ALDH9A1: variants seen among roughly 807,000 people sequenced by gnomAD.
ALDH9A1 encodes the protein 4-trimethylaminobutyraldehyde dehydrogenase.
ALDH9A1 carries 42 observed loss-of-function variants against 56.6 expected under a neutral mutation model. The ratio of observed to expected loss-of-function variants is 0.74; its 90% CI spans 0.58 to 0.96. The LOEUF (loss-of-function observed/expected upper bound fraction) is 0.96. Ranked by LOEUF, ALDH9A1 falls within the 40% of genes least tolerant of loss-of-function variation. The pLI is 0.00. For synonymous variants in ALDH9A1, 242 were observed against 236.0 expected, an observed-to-expected ratio of 1.03 and a Z score of -0.23; for missense variants, 661 against 651.5, an observed-to-expected ratio of 1.01 and a Z score of -0.16.
In ALDH9A1 at chr1:165,694,007, T is replaced by A. The variant is rs566009078; in HGVS notation, c.327+1245A>T. Among the ~76,000 whole-genome samples, 4 of 148,352 alleles carry A rather than the reference T, an allele frequency of 2.7e-5. No individual in the cohort carries two copies. The South Asian group carries it at 6.3e-4, about 24-fold the overall frequency. ...GCATGTTCTCATTCATAGGTGGGAA[T>A]TGAACAATGAGATCACTTGGACACA... On this transcript the variant is annotated intron_variant, in intron 2 of 10. Transcript: ENST00000354775.
At position 165,679,462 on chromosome 1, in the gene ALDH9A1, T is replaced by C. The variant is rs779585694; in HGVS notation, c.910A>G (p.Asn304Asp). 2 of 1,614,148 alleles carry C rather than the reference T, an allele frequency of 1.2e-6. No individual in the cohort carries two copies. Among genetic ancestry groups the C allele is most frequent in the East Asian group, 4.5e-5 (2 of 44,876 alleles). ...CATACCTGGCCTTGTGTGAGGAAGT[T>C]GGCCATCAGCGCCCCCTTTACAGCA... ...NNAVKGALMA[N>D]FLTQGQVCCN... The change falls in exon 6 of 11, where the codon AAC becomes GAC. Residue 304 changes from asparagine (N) to aspartate (D), a missense_variant. Asn to Asp is a conservative substitution (Grantham distance 23, BLOSUM62 1). Transcript: ENST00000354775.
At chr1:165,677,463 G>C (rs1383994916) in intron 6 of ALDH9A1, among the ~76,000 whole-genome samples, 1 of 152,186 alleles carries the variant, frequency 6.6e-6, no homozygotes, top group Non-Finnish European at 1.5e-5. Flanking sequence ...GGAACACTTT[G>C]CTATGCCAGA....
At position 165,669,424 on chromosome 1, in the gene ALDH9A1, A is replaced by G. The variant is rs767497860; in HGVS notation, c.957T>C (p.Phe319=). 1.9e-6 allele frequency: 3 copies of G among 1,613,648 alleles called. No homozygotes were observed. The highest frequency in any genetic ancestry group is 1.7e-5 in the Admixed American group (1 of 59,928). The change falls in exon 7 of 11, where the codon TTT becomes TTC. Residue 319 remains phenylalanine, a synonymous_variant. Transcript: ENST00000354775. ...GQVCCNGTRV[F]VQKEILDKFT... is the part of the protein sequence containing the mutation. ...ATTTATCAAGAATTTCTTTCTGCAC[A>G]AATACTCTTGTGCCATTACAGCAAA...
In ALDH9A1 at chr1:165,685,307, C is replaced by T. The variant is rs931386664; in HGVS notation, c.328-2197G>A. On this transcript the variant is annotated intron_variant, in intron 2 of 10. Transcript: ENST00000354775. ...TTTCACTTCGAACCCCTCAGCAGGG[C>T]TTAATGTCTAGCTTTGAAGCCCAAC... Among the ~76,000 whole-genome samples, 11 of 152,290 alleles carry T rather than the reference C, an allele frequency of 7.2e-5. No individual in the cohort carries two copies. The East Asian group carries it at 1.9e-3, about 27-fold the overall frequency.
chr1:165,666,248 G>A (rs1269572352), intron 9 of ALDH9A1, among the ~76,000 whole-genome samples: 1 of 152,142 alleles, frequency 6.6e-6, no homozygotes, highest in Non-Finnish European at 1.5e-5. Context: ...GCTGGGGGTG[G>A]GGAGTGGGAA....
intron 2 of ALDH9A1, among the ~76,000 whole-genome samples, chr1:165,693,138 T>G (rs1471067880): frequency 6.6e-6 from 1 of 152,044 alleles, no homozygotes; most frequent in African/African-American, 2.4e-5. Context: ...GCAATACCAT[T>G]CAGGACACAG....
At chr1:165,676,080 C>A (rs1649346280) in intron 6 of ALDH9A1, among the ~76,000 whole-genome samples, 1 of 152,126 alleles carries the variant, frequency 6.6e-6, no homozygotes, top group Non-Finnish European at 1.5e-5. Flanking sequence ...ATTAAAGTAT[C>A]TGGATGAACT....
intron 5 of ALDH9A1, 98 bp downstream of exon 5, chr1:165,680,389 A>G (rs1484414679): frequency 1.1e-5 from 15 of 1,305,368 alleles, no homozygotes; most frequent in Non-Finnish European, 1.4e-5. Flanking sequence ...CAGGCTAGGT[A>G]AAATCAAAAG....
Position 165,679,600 on chromosome 1 carries a change from A to T in ALDH9A1, c.790-18T>A. 1 of 1,614,052 alleles carries T rather than the reference A, an allele frequency of 6.2e-7. No individual in the cohort carries two copies. The highest frequency in any genetic ancestry group is 1.7e-5 in the Admixed American group (1 of 60,028). ...TCCATGATCTTGCAGAACAAGGACA[A>T]GGTATTCAGAACTTTAACACAAATT... On this transcript the variant is annotated intron_variant, in intron 5 of 10. Coordinates refer to ENST00000354775, the MANE Select transcript of ALDH9A1 (RefSeq NM_000696.4).
chr1:165,670,412 G>A (rs1242027279), intron 6 of ALDH9A1, among the ~76,000 whole-genome samples: 3 of 149,472 alleles, frequency 2.0e-5, no homozygotes, highest in Non-Finnish European at 4.4e-5. Context: ...ACTCCAGCCT[G>A]CATGAGAGAG....
intron 8 of ALDH9A1, among the ~76,000 whole-genome samples, chr1:165,667,761 T>C (rs1649052481): frequency 6.6e-6 from 1 of 152,200 alleles, no homozygotes; most frequent in Non-Finnish European, 1.5e-5. Context: ...TGGTTCTTTC[T>C]AGTGAGGATT....
At chr1:165,681,861 T>C (rs1006706831) in intron 4 of ALDH9A1, among the ~76,000 whole-genome samples, 1 of 152,216 alleles carries the variant, frequency 6.6e-6, no homozygotes, top group African/African-American at 2.4e-5. Flanking sequence ...TCTTTTCATA[T>C]ACAAAATTAA....
At chr1:165,686,311 C>T (rs1442066767) in intron 2 of ALDH9A1, among the ~76,000 whole-genome samples, 2 of 152,088 alleles carry the variant, frequency 1.3e-5, no homozygotes, top group South Asian at 2.1e-4. Context: ...AGCTAGGTGG[C>T]GCCCAGCAGA....
intron 2 of ALDH9A1, 118 bp downstream of exon 2, chr1:165,695,134 G>T: frequency 8.3e-7 from 1 of 1,201,682 alleles, no homozygotes; most frequent in Non-Finnish European, 1.1e-6. Context: ...ATGTGGAAAT[G>T]TTTTTCCATT....
intron 6 of ALDH9A1, among the ~76,000 whole-genome samples, chr1:165,677,637 T>C (rs1419846435): frequency 6.6e-6 from 1 of 152,006 alleles, no homozygotes; most frequent in East Asian, 1.9e-4. Flanking sequence ...GGCAGGTGTA[T>C]CATGAGGTCA....
Position 165,665,412 on chromosome 1 carries a change from C to T in ALDH9A1, c.1350-282G>A, listed in dbSNP as rs924209512. 3.9e-5 allele frequency among the ~76,000 whole-genome samples: 6 copies of T among 152,052 alleles called. No individual in the cohort carries two copies. The South Asian group carries it at 1.0e-3, about 26-fold the overall frequency. ...AAATGGTGCTGAAACAAGTGGATAT[C>T]TACATGCAAAAAATAAAGGTGGAGC... On this transcript the variant is annotated intron_variant, in intron 9 of 10. Transcript: ENST00000354775.
chr1:165,697,324 T>C (rs1222678257), intron 1 of ALDH9A1, among the ~76,000 whole-genome samples: 1 of 152,250 alleles, frequency 6.6e-6, no homozygotes, highest in African/African-American at 2.4e-5. Context: ...GCTAAAAGAA[T>C]AGATCTTAAA....
intron 6 of ALDH9A1, among the ~76,000 whole-genome samples, chr1:165,678,439 T>C (rs1649439182): frequency 6.6e-6 from 1 of 152,166 alleles, no homozygotes; most frequent in Non-Finnish European, 1.5e-5. Context: ...CATACTGATA[T>C]AAATAAATGA....
rs1382435757 is a variant in ALDH9A1 at position 165,682,222 on chromosome 1, T to C, written c.477A>G (p.Pro159=). 6.2e-7 allele frequency: 1 copy of C among 1,613,670 alleles called. No homozygotes were observed. Among genetic ancestry groups the C allele is most frequent in the Admixed American group, 1.7e-5 (1 of 60,012 alleles). Residue 159 remains proline (P), a synonymous_variant, in exon 4 of 11, where the codon CCA becomes CCG. Coordinates refer to ENST00000354775, the MANE Select transcript of ALDH9A1 (RefSeq NM_000696.4). ...ASMAGEHIQL[P]GGSFGYTRRE... is the part of the protein sequence containing the mutation. Reference sequence around the variant, plus strand: ...TTCTGGTATAACCAAACGATCCACCTGGGAGCTGGATGTGTTCACCTATGG... The same window carrying C: ...TTCTGGTATAACCAAACGATCCACCCGGGAGCTGGATGTGTTCACCTATGG...
Sources: gnomAD v4.1 joint callset for allele counts (sites outside exome capture counted in the v4.1 genomes callset) on GRCh38, gnomAD v4.1.1 for gene constraint, MANE v1.5 for transcripts, NCBI Gene and HGNC (gene_info 2026-07-23, HGNC 2026-07-21) for gene names.